EHBP1: variants seen among roughly 807,000 people sequenced by gnomAD.
EHBP1 encodes EH domain-binding protein 1.
A neutral mutation model predicts 144.0 loss-of-function variants in EHBP1; 55 were observed. The ratio of observed to expected loss-of-function variants is 0.38; its 90% CI spans 0.31 to 0.48. The LOEUF (loss-of-function observed/expected upper bound fraction) is 0.48. EHBP1 is among the 20% of genes least tolerant of loss of function. The pLI is 0.98. For missense variants in EHBP1, 1,200 were observed against 1,364.2 expected (o/e 0.88, Z 1.90); for synonymous variants, 469 against 472.7 (o/e 0.99, Z 0.10).
chr2:62,842,943 T>C (rs1344079492), intron 7 of EHBP1, among the ~76,000 whole-genome samples: 2 of 152,182 alleles, frequency 1.3e-5, no homozygotes, highest in Admixed American at 1.3e-4. Flanking sequence ...AAGGAAAATA[T>C]AGATGTAATG....
At chr2:62,722,089 C>T (rs1346090422) in intron 2 of EHBP1, among the ~76,000 whole-genome samples, 1 of 151,942 alleles carries the variant, frequency 6.6e-6, no homozygotes, top group African/African-American at 2.4e-5. Flanking sequence ...ATAGTGCCCC[C>T]TTACCCATAA....
chr2:62,802,809 C>A (rs901748926), intron 5 of EHBP1, among the ~76,000 whole-genome samples: 5 of 150,502 alleles, frequency 3.3e-5, no homozygotes, highest in African/African-American at 1.2e-4. Context: ...ACTGCAACCT[C>A]CGCCTCCAAG....
intron 2 of EHBP1, among the ~76,000 whole-genome samples, chr2:62,736,746 A>G (rs1369356367): frequency 3.9e-5 from 6 of 152,092 alleles, no homozygotes; most frequent in South Asian, 2.1e-4. Flanking sequence ...CTTGCATGCC[A>G]TATACTTTAT....
chr2:63,020,185 G>A (rs756704107), intron 19 of EHBP1, among the ~76,000 whole-genome samples: 1 of 151,936 alleles, frequency 6.6e-6, no homozygotes, highest in Non-Finnish European at 1.5e-5. Flanking sequence ...TTAGCCAGGC[G>A]TGTTGGCAGG....
chr2:62,845,538 G>T (rs1378226384), intron 7 of EHBP1, among the ~76,000 whole-genome samples: 1 of 152,096 alleles, frequency 6.6e-6, no homozygotes, highest in South Asian at 2.1e-4. Flanking sequence ...ATGGAGATAA[G>T]TAGGTATCCC....
chr2:62,988,039 G>T, intron 15 of EHBP1: 1 of 1,559,648 alleles, frequency 6.4e-7, no homozygotes, highest in Non-Finnish European at 8.8e-7. Flanking sequence ...GATACTCCCG[G>T]TAATTTCAAA....
In EHBP1 at chr2:62,837,455, C is replaced by A. The variant is rs1333603261; in HGVS notation, c.634+6297C>A. ...ACTAACAAGCAAAATCACCAGCTAACATCATAATGACAGGATCAAATTCAC... is the reference window on the plus strand; with the variant it reads ...ACTAACAAGCAAAATCACCAGCTAAAATCATAATGACAGGATCAAATTCAC... On this transcript the variant is annotated intron_variant, in intron 7 of 22. Transcript: ENST00000431489. Among the ~76,000 whole-genome samples, 518 of 151,222 alleles carry A rather than the reference C, an allele frequency of 3.4e-3. 8 individuals carry two copies. The highest frequency in any genetic ancestry group is 3.4e-3 in the Non-Finnish European group (233 of 67,812).
intron 7 of EHBP1, among the ~76,000 whole-genome samples, chr2:62,856,777 A>C (rs1342405392): frequency 1.3e-5 from 2 of 152,272 alleles, no homozygotes; most frequent in Admixed American, 1.3e-4. Context: ...TGGTGCTGAT[A>C]GACTTGCTAA....
At chr2:62,816,911 C>A (rs2045492990) in intron 5 of EHBP1, among the ~76,000 whole-genome samples, 1 of 152,174 alleles carries the variant, frequency 6.6e-6, no homozygotes, top group South Asian at 2.1e-4. Flanking sequence ...ACCTGTTTAT[C>A]CCCGTTCTGG....
chr2:62,775,189 T>G (rs1352585287), intron 5 of EHBP1, among the ~76,000 whole-genome samples: 5 of 152,206 alleles, frequency 3.3e-5, no homozygotes, highest in Admixed American at 3.3e-4. Flanking sequence ...ATGAATATTG[T>G]AAGGTATGGG....
intron 4 of EHBP1, among the ~76,000 whole-genome samples, chr2:62,769,552 A>G (rs1291048282): frequency 6.6e-6 from 1 of 152,198 alleles, no homozygotes; most frequent in African/African-American, 2.4e-5. Flanking sequence ...TGTGAATAGG[A>G]AAAACAAATA....
intron 5 of EHBP1, among the ~76,000 whole-genome samples, chr2:62,802,356 ACT>A (rs2044064615): frequency 6.6e-6 from 1 of 151,986 alleles, no homozygotes; most frequent in Non-Finnish European, 1.5e-5. Context: ...GCAGCTAAAC[ACT>A]CTATGATGCA....
At position 62,829,595 on chromosome 2, in the gene EHBP1, GTA is replaced by G. The variant is rs1199161934; in HGVS notation, c.495-1414_495-1413del. 2.2e-3 allele frequency among the ~76,000 whole-genome samples: 200 copies of G among 90,622 alleles called. 1 individual carries two copies. Among genetic ancestry groups the G allele is most frequent in the East Asian group, 0.012 (50 of 4,160 alleles). The allele number at this position is 90,622 out of a possible 152,430, so 59.5% of individuals were successfully genotyped here. A position where few individuals can be genotyped will look rare whatever the true frequency, so the allele number is the denominator to read the frequency against. On this transcript the variant is annotated intron_variant, in intron 6 of 22. Transcript: ENST00000431489. ...GTTGTGTGTGTGTGTGTGTGTGTGT[GTA>G]TATATATATTATATATAATACTACT...
At chr2:62,955,461 A>C (rs543305606) in intron 13 of EHBP1, 56 bp from the exon 14 acceptor site, 1 of 1,540,650 alleles carries the variant, frequency 6.5e-7, no homozygotes, top group African/African-American at 1.4e-5. Context: ...ATTAGTTTAC[A>C]AATGTAGATT....
In EHBP1 at chr2:62,765,571, T is replaced by C. The variant is rs115771759; in HGVS notation, c.258+1210T>C. On this transcript the variant is annotated intron_variant, in intron 4 of 22. Coordinates refer to ENST00000431489, the MANE Select transcript of EHBP1 (RefSeq NM_001142616.3). Reference sequence around the variant, plus strand: ...TGGAACAGCAACATAGCTTAAACACTAGTTGTGCATTGTGGGAAGCTGCAT... The same window carrying C: ...TGGAACAGCAACATAGCTTAAACACCAGTTGTGCATTGTGGGAAGCTGCAT... 1.9e-3 allele frequency among the ~76,000 whole-genome samples: 292 copies of C among 152,280 alleles called. 2 individuals are homozygous for C. The highest frequency in any genetic ancestry group is 6.9e-3 in the African/African-American group (286 of 41,566).
chr2:62,694,348 G>A (rs927915031), intron 1 of EHBP1, among the ~76,000 whole-genome samples: 6 of 151,978 alleles, frequency 3.9e-5, no homozygotes, highest in South Asian at 2.1e-4. Context: ...TTAGGAACTG[G>A]TATATTTAGG....
intron 12 of EHBP1, among the ~76,000 whole-genome samples, chr2:62,944,890 T>A (rs2056975530): frequency 2.0e-5 from 3 of 152,320 alleles, no homozygotes; most frequent in African/African-American, 7.2e-5. Flanking sequence ...AACTGAAAAA[T>A]TAATGAAATT....
At chr2:62,900,061 C>T (rs995992638) in intron 10 of EHBP1, among the ~76,000 whole-genome samples, 2 of 152,044 alleles carry the variant, frequency 1.3e-5, no homozygotes, top group Non-Finnish European at 2.9e-5. Context: ...CTTCTATTTA[C>T]AAAAATAGGA....
chr2:62,786,073 A>G (rs1039987441), intron 5 of EHBP1, among the ~76,000 whole-genome samples: 2 of 152,164 alleles, frequency 1.3e-5, no homozygotes, highest in African/African-American at 4.8e-5. Flanking sequence ...GGAACTTGAT[A>G]ATTTTCTGCC....
Sources: gnomAD v4.1 joint callset for allele counts (sites outside exome capture counted in the v4.1 genomes callset) on GRCh38, gnomAD v4.1.1 for gene constraint, MANE v1.5 for transcripts, NCBI Gene and HGNC (gene_info 2026-07-23, HGNC 2026-07-21) for gene names.